Variants in CEP120 observed in about 807,000 individuals in gnomAD.
CEP120 encodes the protein centrosomal protein 120.
Under a neutral mutation model 126.5 loss-of-function variants are expected in CEP120, and 113 were observed. That is an observed-to-expected ratio of 0.89 (90% CI 0.77 to 1.04). CEP120 has a LOEUF of 1.04. CEP120 is among the 50% of genes least tolerant of loss of function. The probability of loss-of-function intolerance (pLI) is 0.00; values close to 1 mark genes in which losing one functional copy is unlikely to be tolerated. For synonymous variants in CEP120, 400 were observed against 394.3 expected (o/e 1.01, Z -0.17); for missense variants, 1,230 against 1,155.7 (o/e 1.06, Z -0.93).
At position 123,416,135 on chromosome 5, in the gene CEP120, A is replaced by C. The variant is rs754146469; in HGVS notation, c.207-11T>G. 2 of 1,497,050 alleles carry C rather than the reference A, an allele frequency of 1.3e-6. No individual in the cohort carries two copies. Among genetic ancestry groups the C allele is most frequent in the Non-Finnish European group, 1.8e-6 (2 of 1,081,894 alleles). 92.7% of individuals were successfully genotyped at this position (1,497,050 alleles called of 1,614,324 possible). On this transcript the variant is annotated splice_polypyrimidine_tract_variant and intron_variant, in intron 2 of 19. Transcript: ENST00000306467. ...GGAGTACGCTGTAGCCTATAACAAA[A>C]CATGTGATAAATAAAATGGTTTTTG...
At chr5:123,394,949 G>A (rs1197757529) in intron 5 of CEP120, among the ~76,000 whole-genome samples, 1 of 152,204 alleles carries the variant, frequency 6.6e-6, no homozygotes, top group Non-Finnish European at 1.5e-5. Context: ...GATTAAAAGA[G>A]ATACATAGTC....
rs758141289 is a variant in CEP120 at position 123,391,331 on chromosome 5, G to A, written c.817C>T (p.Leu273Phe). Residue 273 changes from leucine to phenylalanine, a missense_variant, in exon 7 of 20, where the codon CTC becomes TTC. Leu to Phe is a conservative substitution (Grantham distance 22). Transcript: ENST00000306467. ...CCAAGTGACTGGTCTCCACAGCAGA[G>A]GTGAATCTAATATGAAAGGGAAAAA... is the stretch of plus-strand genomic sequence containing the variant. The part of the protein sequence containing the change: ...LALQSKLQIH[L>F]CCGDQSLGST... 1.9e-6 allele frequency: 3 copies of A among 1,611,606 alleles called. No individual in the cohort carries two copies. Among genetic ancestry groups the A allele is most frequent in the Non-Finnish European group, 2.5e-6 (3 of 1,177,800 alleles).
chr5:123,348,811 C>A (rs934916939), intron 19 of CEP120, among the ~76,000 whole-genome samples: 3 of 152,130 alleles, frequency 2.0e-5, no homozygotes, highest in African/African-American at 7.2e-5. Context: ...GAACTCTCAT[C>A]ATGGGATTAG....
Position 123,423,134 on chromosome 5 carries a change from C to G in CEP120, c.-136G>C. On this transcript the variant is annotated 5_prime_UTR_variant, in exon 1 of 20. Transcript: ENST00000306467. ...CTGATGCCCGGACCCCGCTCCGCAG[C>G]CAGGTCCCACCGCCGTCTGCTGCAG... 2 of 698,842 alleles carry G rather than the reference C, an allele frequency of 2.9e-6. No homozygotes were observed. The highest frequency in any genetic ancestry group is 5.0e-6 in the Non-Finnish European group (2 of 401,340). The allele number at this position is 698,842 out of a possible 1,614,324, so 43.3% of individuals were successfully genotyped here. A position where few individuals can be genotyped will look rare whatever the true frequency, so the allele number is the denominator to read the frequency against.
Position 123,393,364 on chromosome 5 carries a change from G to A in CEP120, c.746C>T (p.Ser249Leu), listed in dbSNP as rs747445980. Residue 249 changes from serine to leucine, a missense_variant, in exon 6 of 20, where the codon TCA becomes TTA. By Grantham distance (145) the Ser-to-Leu change is moderately radical (BLOSUM62 -2). Coordinates refer to ENST00000306467, the MANE Select transcript of CEP120 (RefSeq NM_001375405.1). ...TTCTACACTGCTACGGATGCGAACTGATGCTCTCTCTGGCTCAAAGTTTGG... is the reference window on the plus strand; with the variant it reads ...TTCTACACTGCTACGGATGCGAACTAATGCTCTCTCTGGCTCAAAGTTTGG... ...INPNFEPERA[S>L]VRIRSSVEIL... The A allele has an allele frequency of 3.7e-6, 6 of 1,614,138 alleles. No homozygotes were observed. Among genetic ancestry groups the A allele is most frequent in the South Asian group, 3.3e-5 (3 of 91,088 alleles).
At chr5:123,395,106 G>A (rs1772686146) in intron 5 of CEP120, among the ~76,000 whole-genome samples, 1 of 152,154 alleles carries the variant, frequency 6.6e-6, no homozygotes, top group Admixed American at 6.5e-5. Context: ...TGATCATACA[G>A]CAATAAAAAC....
Position 123,390,107 on chromosome 5 carries a change from C to T in CEP120, c.1072G>A (p.Glu358Lys). The change falls in exon 8 of 20, where the codon GAG becomes AAG. Residue 358 changes from glutamate to lysine, a missense_variant. By Grantham distance (56) the Glu-to-Lys change is moderately conservative (BLOSUM62 1). Coordinates refer to ENST00000306467, the MANE Select transcript of CEP120 (RefSeq NM_001375405.1). Reference sequence around the variant, plus strand: ...ACTTTCTTCTTTGAATGCTCTGGCTCATGTTCATTCTGGGTCTTTAATTCA... The same window carrying T: ...ACTTTCTTCTTTGAATGCTCTGGCTTATGTTCATTCTGGGTCTTTAATTCA... ...LIELKTQNEH[E>K]PEHSKKKVLT... 1 of 1,613,684 alleles carries T rather than the reference C, an allele frequency of 6.2e-7. No homozygotes were observed. Among genetic ancestry groups the T allele is most frequent in the African/African-American group, 1.3e-5 (1 of 75,004 alleles).
At chr5:123,385,767 C>T (rs1002052670) in intron 10 of CEP120, among the ~76,000 whole-genome samples, 150 of 152,058 alleles carry the variant, frequency 9.9e-4, no homozygotes, top group African/African-American at 3.4e-3. Context: ...CAGGTGCTGG[C>T]TAATTTTTGT....
chr5:123,384,574 T>G (rs1771895027), intron 11 of CEP120, among the ~76,000 whole-genome samples: 1 of 152,098 alleles, frequency 6.6e-6, no homozygotes, highest in African/African-American at 2.4e-5. Flanking sequence ...AAAAACAGTC[T>G]TAGCCATTCC....
At chr5:123,379,319 T>C (rs1172555667) in intron 14 of CEP120, among the ~76,000 whole-genome samples, 2 of 152,110 alleles carry the variant, frequency 1.3e-5, no homozygotes, top group African/African-American at 2.4e-5. Context: ...TACATATTGC[T>C]TTCCTGGTCT....
intron 4 of CEP120, chr5:123,401,037 C>G: frequency 6.4e-7 from 1 of 1,569,552 alleles, no homozygotes; most frequent in Non-Finnish European, 8.7e-7. Flanking sequence ...CAGGCCGTAG[C>G]TGAGGCCGGG....
At position 123,418,504 on chromosome 5, in the gene CEP120, G is replaced by C. The variant is rs751391788; in HGVS notation, c.61C>G (p.Pro21Ala). Residue 21 changes from proline to alanine, a missense_variant, in exon 2 of 20, where the codon CCC becomes GCC. Pro to Ala is a conservative substitution (Grantham distance 27). Coordinates refer to ENST00000306467, the MANE Select transcript of CEP120 (RefSeq NM_001375405.1). ...ACAAGCATATGCTTTGGACGTTTGGGGAAATGCCGACCTGGAGAAACAGAA... is the reference window on the plus strand; with the variant it reads ...ACAAGCATATGCTTTGGACGTTTGGCGAAATGCCGACCTGGAGAAACAGAA... Reference protein sequence around the residue: ...VVSILEGRHFPKRPKHMLVVE... With the variant: ...VVSILEGRHFAKRPKHMLVVE... The C allele has an allele frequency of 4.4e-6, 7 of 1,599,162 alleles. No individual in the cohort carries two copies. Among genetic ancestry groups the C allele is most frequent in the Admixed American group, 1.7e-5 (1 of 58,748 alleles).
At chr5:123,368,076 C>G (rs1472026744) in intron 17 of CEP120, among the ~76,000 whole-genome samples, 1 of 151,890 alleles carries the variant, frequency 6.6e-6, no homozygotes. Flanking sequence ...ATGTACTTTT[C>G]TCTCTCAAGG....
At chr5:123,346,902 G>A in intron 19 of CEP120, 149 bp from the exon 20 acceptor site, 1 of 560,414 alleles carries the variant, frequency 1.8e-6, no homozygotes, top group Non-Finnish European at 3.0e-6. Flanking sequence ...GTTCCACTTG[G>A]CTAGTCAGAG....
Position 123,399,262 on chromosome 5 carries a change from A to T in CEP120, c.486T>A (p.Leu162=), listed in dbSNP as rs1276558473. 3 of 1,614,040 alleles carry T rather than the reference A, an allele frequency of 1.9e-6. No individual in the cohort carries two copies. The highest frequency in any genetic ancestry group is 1.7e-6 in the Non-Finnish European group (2 of 1,180,026). ...GCACAGCCACAATGTCCCTGGGGTC[A>T]AGTCCAGCCAGGATGGCAGGTACTT... ...DGKVPAILAG[L]DPRDIVAVLN... is the part of the protein sequence containing the mutation. Residue 162 remains leucine (L), a synonymous_variant, in exon 5 of 20, where the codon CTT becomes CTA. Transcript: ENST00000306467.
Position 123,379,871 on chromosome 5 carries a change from A to G in CEP120, c.2104-1443T>C, listed in dbSNP as rs938278874. 7.2e-5 allele frequency among the ~76,000 whole-genome samples: 11 copies of G among 152,200 alleles called. No homozygotes were observed. The South Asian group carries it at 1.9e-3, about 26-fold the overall frequency. ...TTGAGTCTACCTGGCAATATCCACTAATCTTCACCAAAGTGAAAGCATGAT... is the reference window on the plus strand; with the variant it reads ...TTGAGTCTACCTGGCAATATCCACTGATCTTCACCAAAGTGAAAGCATGAT... On this transcript the variant is annotated intron_variant, in intron 14 of 19. Transcript: ENST00000306467.
chr5:123,407,113 AAAAAAAC>A (rs1461526197), intron 4 of CEP120, among the ~76,000 whole-genome samples: 3 of 151,268 alleles, frequency 2.0e-5, no homozygotes, highest in Non-Finnish European at 3.0e-5. Context: ...AGTAAAAAAA[AAAAAAAC>A]AAAAAACAAA....
chr5:123,372,600 A>G, intron 17 of CEP120, 50 bp downstream of exon 17: 1 of 1,531,588 alleles, frequency 6.5e-7, no homozygotes, highest in Non-Finnish European at 9.0e-7. Context: ...GATTGATTTT[A>G]TAAATTAATC....
chr5:123,377,382 G>A lies in CEP120; in HGVS notation c.2350C>T (p.Gln784Ter). 6.2e-7 allele frequency: 1 copy of A among 1,607,370 alleles called. No homozygotes were observed. Among genetic ancestry groups the A allele is most frequent in the Non-Finnish European group, 8.5e-7 (1 of 1,178,146 alleles). The change falls in exon 16 of 20, where the codon CAG becomes TAG. Residue 784 changes from glutamine (Q) to a stop codon, truncating the protein, a stop_gained. Coordinates refer to ENST00000306467, the MANE Select transcript of CEP120 (RefSeq NM_001375405.1). LOFTEE classifies it high-confidence loss of function. ...CAAGTACGTTATCCAACCTGTTGCT[G>A]AAGGCGGTGTTTATCCTCTTCGAGC... The part of the protein sequence containing the change: ...KQLEEDKHRL[Q>*]QQLNDAENKY...
Sources: allele counts gnomAD v4.1 joint callset (sites outside exome capture counted in the v4.1 genomes callset), GRCh38; gene constraint gnomAD v4.1.1; transcripts MANE v1.5; gene names NCBI Gene and HGNC (gene_info 2026-07-23, HGNC 2026-07-21).